Variants in SFI1 observed in about 807,000 individuals in gnomAD.
The protein encoded by SFI1 is protein SFI1 homolog.
SFI1 carries 195 observed loss-of-function variants against 207.5 expected under a neutral mutation model. The observed-to-expected ratio is 0.94, with a 90% confidence interval of 0.84 to 1.06. The LOEUF (loss-of-function observed/expected upper bound fraction) is 1.06. SFI1 is among the 50% of genes least tolerant of loss of function. The pLI, the probability that SFI1 is intolerant of heterozygous loss-of-function variation, is 0.00. For missense variants in SFI1, 1,634 were observed against 1,588.0 expected (o/e 1.03, Z -0.49); for synonymous variants, 630 against 598.9 (o/e 1.05, Z -0.76).
At chr22:31,609,783 G>A (rs1603347796) in intron 22 of SFI1, among the ~76,000 whole-genome samples, 1 of 152,346 alleles carries the variant, frequency 6.6e-6, no homozygotes, top group East Asian at 1.9e-4. Context: ...GAAAGAAGCC[G>A]AGGGCTTTAG....
intron 6 of SFI1, among the ~76,000 whole-genome samples, chr22:31,553,420 A>G (rs1375670522): frequency 6.6e-6 from 1 of 151,308 alleles, no homozygotes; most frequent in East Asian, 1.9e-4. Context: ...CAGTGGCGCA[A>G]TCTCGGCTCA....
intron 15 of SFI1, among the ~76,000 whole-genome samples, chr22:31,593,513 T>G (rs1240662508): frequency 4.5e-5 from 5 of 110,074 alleles, no homozygotes; most frequent in Admixed American, 1.9e-4. Context: ...CTTTCCAGAC[T>G]GGGCAGCCAG....
chr22:31,516,825 A>G (rs1223706114), intron 2 of SFI1, among the ~76,000 whole-genome samples: 2 of 151,616 alleles, frequency 1.3e-5, no homozygotes, highest in Admixed American at 1.3e-4. Flanking sequence ...ATGGTGGCAC[A>G]TGCCTGTAAT....
chr22:31,527,306 C>T (rs2058028358), intron 2 of SFI1, among the ~76,000 whole-genome samples: 1 of 152,206 alleles, frequency 6.6e-6, no homozygotes, highest in African/African-American at 2.4e-5. Context: ...AATATGTTCA[C>T]TCTTGACTTT....
At chr22:31,519,416 A>G (rs2056935762) in intron 2 of SFI1, among the ~76,000 whole-genome samples, 1 of 149,992 alleles carries the variant, frequency 6.7e-6, no homozygotes, top group Non-Finnish European at 1.5e-5. Flanking sequence ...GAGTAGAGGC[A>G]TGCATCATCA....
chr22:31,613,880 C>T (rs1314842317), intron 27 of SFI1, 25 bp downstream of exon 27: 1 of 1,568,012 alleles, frequency 6.4e-7, no homozygotes, highest in African/African-American at 1.4e-5. Flanking sequence ...CTCACCTTGT[C>T]CTCGCTTCCA....
intron 4 of SFI1, among the ~76,000 whole-genome samples, chr22:31,537,476 C>G (rs1475091726): frequency 6.6e-6 from 1 of 152,180 alleles, no homozygotes; most frequent in Non-Finnish European, 1.5e-5. Flanking sequence ...TGCTTTAAAA[C>G]ATTCGCATTA....
At chr22:31,539,617 G>C (rs1487350159) in intron 4 of SFI1, among the ~76,000 whole-genome samples, 1 of 151,608 alleles carries the variant, frequency 6.6e-6, no homozygotes, top group Non-Finnish European at 1.5e-5. Context: ...TTTTTTCTTT[G>C]TATTTTTGGT....
Position 31,613,629 on chromosome 22 carries a change from C to A in SFI1, c.2770C>A (p.Arg924Ser). Residue 924 changes from arginine to serine, a missense_variant, in exon 27 of 33, where the codon CGC (arginine) becomes AGC (serine). By Grantham distance (110) the Arg-to-Ser change is moderately radical (BLOSUM62 -1). Coordinates refer to ENST00000400288, the MANE Select transcript of SFI1 (RefSeq NM_001007467.3). ...GGCTCACAGTCTCCATCGTGCCGTC[C>A]GCCGCTGTGCCACGCTCTGGAAACA... ...QAAHSLHRAVRRCATLWKQKV... is the reference protein window; with the variant it reads ...QAAHSLHRAVSRCATLWKQKV... The A allele has an allele frequency of 6.3e-7, 1 of 1,593,106 alleles. No individual in the cohort carries two copies. Among genetic ancestry groups the A allele is most frequent in the Non-Finnish European group, 8.6e-7 (1 of 1,167,086 alleles).
intron 1 of SFI1, among the ~76,000 whole-genome samples, chr22:31,500,229 C>T (rs544763292): frequency 1.4e-5 from 2 of 142,728 alleles, no homozygotes; most frequent in Admixed American, 7.4e-5. Context: ...GCAGGAGAAT[C>T]GCTTGAACCC....
chr22:31,591,443 C>T (rs984823291), intron 15 of SFI1, among the ~76,000 whole-genome samples: 58 of 152,186 alleles, frequency 3.8e-4, no homozygotes, highest in Non-Finnish European at 6.6e-4. Flanking sequence ...TCCACAAAGC[C>T]GCCATTGTCA....
intron 3 of SFI1, chr22:31,530,749 A>G: frequency 2.4e-6 from 1 of 418,290 alleles, no homozygotes; most frequent in Non-Finnish European, 4.8e-6. Flanking sequence ...CGGCCATTTT[A>G]GGCAGGAAGA....
In SFI1 at chr22:31,618,117, C is replaced by T. The variant is rs781069349; in HGVS notation, c.3515C>T (p.Ser1172Phe). ...HYQTTKQNLW[S>F]CRRQASSLRR... ...CAGTGGGTATCTCCACCCCTCAGGT[C>T]CTGTCGGCGGCAAGCGAGCAGCCTG... Residue 1172 changes from serine (S) to phenylalanine (F), a missense_variant and splice_region_variant, in exon 32 of 33, where the codon TCC becomes TTC. By Grantham distance (155) the Ser-to-Phe change is radical (BLOSUM62 -2). Transcript: ENST00000400288. The T allele has an allele frequency of 1.3e-6, 2 of 1,569,970 alleles. No homozygotes were observed. The highest frequency in any genetic ancestry group is 2.3e-5 in the South Asian group (2 of 85,300).
Position 31,546,843 on chromosome 22 carries a change from A to AT in SFI1, c.339-8dup, listed in dbSNP as rs148360145. 0.1 allele frequency: 138,766 copies of AT among 1,330,852 alleles called. 4,325 individuals carry two copies. Among genetic ancestry groups the AT allele is most frequent in the East Asian group, 0.31 (12,343 of 39,212 alleles). 82.4% of individuals were successfully genotyped at this position (1,330,852 alleles called of 1,614,324 possible). On this transcript the variant is annotated splice_polypyrimidine_tract_variant and intron_variant, in intron 4 of 32. Coordinates refer to ENST00000400288, the MANE Select transcript of SFI1 (RefSeq NM_001007467.3). ...TCCAACATCATCATATATATATATG[A>AT]TTTTTTTTTTGCCGTAGATTTTACT... is the stretch of plus-strand genomic sequence containing the variant.
intron 4 of SFI1, among the ~76,000 whole-genome samples, chr22:31,535,510 T>C (rs2058909184): frequency 6.6e-6 from 1 of 150,954 alleles, no homozygotes; most frequent in Non-Finnish European, 1.5e-5. Flanking sequence ...TTTTCTTTTT[T>C]TTCTTTTTGC....
chr22:31,566,123 T>TTC (rs1193541100), intron 8 of SFI1, among the ~76,000 whole-genome samples: 1 of 151,314 alleles, frequency 6.6e-6, no homozygotes, highest in African/African-American at 2.4e-5. Flanking sequence ...TTTTTCTATT[T>TTC]TTTTTTTTTT....
chr22:31,528,556 A>G, intron 2 of SFI1, 134 bp from the exon 3 acceptor site: 1 of 806,780 alleles, frequency 1.2e-6, no homozygotes, highest in Admixed American at 2.7e-5. Flanking sequence ...TGGGCTGCTT[A>G]TTATCCTTGC....
intron 5 of SFI1, among the ~76,000 whole-genome samples, chr22:31,548,097 G>T (rs543511634): frequency 6.6e-6 from 1 of 152,018 alleles, no homozygotes; most frequent in South Asian, 2.1e-4. Flanking sequence ...GCAGGCGCCT[G>T]TAGTTCCAGC....
chr22:31,606,272 T>C (rs2068950595), intron 20 of SFI1, 56 bp from the exon 21 acceptor site: 1 of 1,500,260 alleles, frequency 6.7e-7, no homozygotes, highest in African/African-American at 1.4e-5. Flanking sequence ...CACAGAAGCC[T>C]CCCTTCTCTC....
Sources: gnomAD v4.1 joint callset for allele counts (sites outside exome capture counted in the v4.1 genomes callset) on GRCh38, gnomAD v4.1.1 for gene constraint, MANE v1.5 for transcripts, NCBI Gene and HGNC (gene_info 2026-07-23, HGNC 2026-07-21) for gene names.